Variants in CUBN observed in about 807,000 individuals in gnomAD.
CUBN encodes 460 kDa receptor.
A neutral mutation model predicts 405.3 loss-of-function variants in CUBN; 282 were observed. The observed-to-expected ratio is 0.70, with a 90% CI of 0.63 to 0.77. The LOEUF is 0.77. Ranked by LOEUF, CUBN falls within the 30% of genes least tolerant of loss-of-function variation. The probability of loss-of-function intolerance (pLI) is 0.00; values close to 1 mark genes in which losing one functional copy is unlikely to be tolerated. For synonymous variants in CUBN, 1,684 were observed against 1,617.0 expected (o/e 1.04, Z -0.99); for missense variants, 4,514 against 4,475.2 (o/e 1.01, Z -0.25).
At position 16,837,728 on chromosome 10, in the gene CUBN, C is replaced by T. The variant is rs573546092; in HGVS notation, c.10033-1346G>A. Among the ~76,000 whole-genome samples the T allele has an allele frequency of 2.0e-3, 311 of 152,254 alleles. 1 individual carries two copies. Among genetic ancestry groups the T allele is most frequent in the Admixed American group, 4.1e-3 (62 of 15,294 alleles). On this transcript the variant is annotated intron_variant, in intron 62 of 66. Coordinates refer to ENST00000377833, the MANE Select transcript of CUBN (RefSeq NM_001081.4). The stretch of plus-strand genomic sequence containing the variant: ...CTGCTCTGTCTACTCTTGGATACCC[C>T]GAGAATCCCAGTTTCTCCCAGCTCA...
rs72773293 is a variant in CUBN, at chr10:17,000,426, C to G, written c.4169-9911G>C. ...AACTTGTCTTTTGCCTAGCAATGCG[C>G]CCCTCCGCCCCAACCCACATATTAT... On this transcript the variant is annotated intron_variant, in intron 28 of 66. Coordinates refer to ENST00000377833, the MANE Select transcript of CUBN (RefSeq NM_001081.4). Among the ~76,000 whole-genome samples the G allele has an allele frequency of 2.6e-5, 4 of 152,286 alleles. No homozygotes were observed. The East Asian group carries it at 7.7e-4, about 29-fold the overall frequency.
intron 10 of CUBN, among the ~76,000 whole-genome samples, chr10:17,107,704 G>A (rs899337534): frequency 2.3e-4 from 35 of 151,814 alleles, no homozygotes; most frequent in South Asian, 4.2e-4. Flanking sequence ...TCACCATGTT[G>A]GCCAGGATGG....
intron 29 of CUBN, among the ~76,000 whole-genome samples, chr10:16,988,065 T>G (rs1335230651): frequency 5.3e-5 from 8 of 152,166 alleles, no homozygotes; most frequent in Admixed American, 2.6e-4. Context: ...AGTCCCTGAT[T>G]TCGTCCCTGA....
intron 48 of CUBN, among the ~76,000 whole-genome samples, chr10:16,911,600 T>C (rs2131447740): frequency 6.6e-6 from 1 of 152,348 alleles, no homozygotes; most frequent in African/African-American, 2.4e-5. Context: ...TGGTTGTGAC[T>C]GTAACTTTTA....
chr10:17,025,937 T>A (rs999839388), intron 27 of CUBN, among the ~76,000 whole-genome samples: 2 of 152,064 alleles, frequency 1.3e-5, no homozygotes, highest in African/African-American at 4.8e-5. Flanking sequence ...CAAAGAGAGT[T>A]AGGAAACCAG....
rs778471515 is a variant in CUBN, at chr10:17,068,613, T to C, written c.2783A>G (p.Glu928Gly). ...NHGFMAKFSA[E>G]DLACGEILTE... ...AGGGAACAGTCTCTTACCCAAATCC[T>C]CAGCACTGAACTTAGCCATGAAACC... The change falls in exon 20 of 67, where the codon GAG becomes GGG. Residue 928 changes from glutamate to glycine, a missense_variant. By Grantham distance (98) the Glu-to-Gly change is moderately conservative. This residue lies in a region of CUBN where 1,448 missense variants were observed against 1,388.0 expected (regional missense o/e 1.04). Transcript: ENST00000377833. 3.1e-6 allele frequency: 5 copies of C among 1,612,170 alleles called. No individual in the cohort carries two copies. The highest frequency in any genetic ancestry group is 4.2e-6 in the Non-Finnish European group (5 of 1,178,694).
At chr10:16,868,931 C>A (rs1333389544) in intron 59 of CUBN, among the ~76,000 whole-genome samples, 63 of 152,168 alleles carry the variant, frequency 4.1e-4, no homozygotes, top group Non-Finnish European at 8.8e-5. Context: ...CAACAAATTA[C>A]CTATAGAAAG....
At chr10:16,938,088 G>A (rs998822645) in intron 38 of CUBN, among the ~76,000 whole-genome samples, 1 of 152,140 alleles carries the variant, frequency 6.6e-6, no homozygotes, top group Non-Finnish European at 1.5e-5. Flanking sequence ...TAGGAACCAG[G>A]ATGGTTGCCT....
At chr10:16,834,761 T>C (rs1215538757) in intron 64 of CUBN, among the ~76,000 whole-genome samples, 2 of 152,154 alleles carry the variant, frequency 1.3e-5, no homozygotes, top group Admixed American at 6.5e-5. Flanking sequence ...CCTTTCCACA[T>C]TGTGCTGTAA....
intron 17 of CUBN, among the ~76,000 whole-genome samples, chr10:17,073,394 A>C (rs1021210597): frequency 1.3e-5 from 2 of 152,012 alleles, no homozygotes; most frequent in African/African-American, 4.8e-5. Flanking sequence ...TAGAAAAAAA[A>C]GGAATTTCCT....
intron 36 of CUBN, among the ~76,000 whole-genome samples, chr10:16,941,677 C>T (rs1236781311): frequency 6.9e-6 from 1 of 145,842 alleles, no homozygotes; most frequent in East Asian, 2.0e-4. Context: ...AACCCCCTCT[C>T]TACAAAAAAT....
At chr10:17,127,985 AC>A in intron 2 of CUBN, 61 bp from the exon 3 acceptor site, 1 of 1,166,522 alleles carries the variant, frequency 8.6e-7, no homozygotes, top group Non-Finnish European at 1.3e-6. Flanking sequence ...ATTTATCTTT[AC>A]AGTAACATAA....
rs981277864 is a variant in CUBN at position 17,037,093 on chromosome 10, T to C, written c.4017+3940A>G. On this transcript the variant is annotated intron_variant, in intron 27 of 66. Coordinates refer to ENST00000377833, the MANE Select transcript of CUBN (RefSeq NM_001081.4). ...TGAGAATTACCTGGCAAATAATACA[T>C]GCTGAATAAATATTAGCTTTTATTA... is the stretch of plus-strand genomic sequence containing the variant. 2.6e-5 allele frequency among the ~76,000 whole-genome samples: 4 copies of C among 152,220 alleles called. No individual in the cohort carries two copies. The East Asian group carries it at 5.8e-4, about 22-fold the overall frequency.
intron 41 of CUBN, among the ~76,000 whole-genome samples, chr10:16,926,133 A>G (rs529489593): frequency 6.6e-6 from 1 of 152,286 alleles, no homozygotes; most frequent in East Asian, 1.9e-4. Flanking sequence ...AGGGTACTTT[A>G]TTGTTAGAGT....
intron 59 of CUBN, among the ~76,000 whole-genome samples, chr10:16,868,252 G>C (rs1840244430): frequency 6.6e-6 from 1 of 152,106 alleles, no homozygotes; most frequent in Non-Finnish European, 1.5e-5. Flanking sequence ...GTGGTTTACC[G>C]GGAAGCCTTC....
rs1024232172 is a variant in CUBN, at chr10:16,952,357, C to T, written c.4888G>A (p.Asp1630Asn). 6.2e-7 allele frequency: 1 copy of T among 1,613,740 alleles called. No homozygotes were observed. The highest frequency in any genetic ancestry group is 8.5e-7 in the Non-Finnish European group (1 of 1,179,824). ...GGGAACCGTGGAGAGGAAACAGTAT[C>T]AAATGAGCTGGTGAGGATGTGGCCT... ...CGGHILTSSF[D>N]TVSSPRFPAN... is the part of the protein sequence containing the mutation. The change falls in exon 33 of 67, where the codon GAT (aspartate) becomes AAT (asparagine). Residue 1630 changes from aspartate to asparagine, a missense_variant. Physicochemically the swap from Asp to Asn is conservative, Grantham distance 23. Coordinates refer to ENST00000377833, the MANE Select transcript of CUBN (RefSeq NM_001081.4).
At chr10:17,049,485 C>A (rs1047332730) in intron 22 of CUBN, among the ~76,000 whole-genome samples, 1 of 152,098 alleles carries the variant, frequency 6.6e-6, no homozygotes, top group South Asian at 2.1e-4. Flanking sequence ...GGTGGAGGAA[C>A]CTGAATTAAT....
rs537946786 is a variant in CUBN, at chr10:16,935,812, G to A, written c.5926+1780C>T. On this transcript the variant is annotated intron_variant, in intron 39 of 66. Transcript: ENST00000377833. ...GGAGAATGGTATGAACTCGGGAGGC[G>A]GAGCTTGCAGAGAGCCGAGATTGTG... Among the ~76,000 whole-genome samples the A allele has an allele frequency of 7.7e-4, 114 of 148,888 alleles. No homozygotes were observed. The Middle Eastern group carries it at 0.017, about 23-fold the overall frequency.
intron 48 of CUBN, among the ~76,000 whole-genome samples, chr10:16,909,039 C>T (rs1434310263): frequency 5.3e-5 from 8 of 151,270 alleles, no homozygotes; most frequent in Admixed American, 6.6e-5. Context: ...CCCGCCACCG[C>T]GCCCGGCTAA....
Sources: gnomAD v4.1 joint callset for allele counts (sites outside exome capture counted in the v4.1 genomes callset) on GRCh38, gnomAD v4.1.1 for gene constraint, gnomAD v4.1.1 regional missense constraint, MANE v1.5 for transcripts, NCBI Gene and HGNC (gene_info 2026-07-23, HGNC 2026-07-21) for gene names.